The following EYA3 variants were observed in gnomAD, a reference collection of about 807,000 sequenced individuals.
EYA3 encodes protein phosphatase EYA3.
Under a neutral mutation model 80.0 loss-of-function variants are expected in EYA3, and 39 were observed. The ratio of observed to expected loss-of-function variants is 0.49; its 90% CI spans 0.38 to 0.64. The LOEUF is 0.64. Ranked by LOEUF, EYA3 falls within the 30% of genes least tolerant of loss-of-function variation. The probability of loss-of-function intolerance (pLI) is 0.00; values close to 1 mark genes in which losing one functional copy is unlikely to be tolerated. For synonymous variants in EYA3, 206 were observed against 232.8 expected, an observed-to-expected ratio of 0.88 and a Z score of 1.05; for missense variants, 523 against 676.1, an observed-to-expected ratio of 0.77 and a Z score of 2.51.
At chr1:28,034,732 G>A (rs1298996703) in intron 6 of EYA3, among the ~76,000 whole-genome samples, 2 of 152,138 alleles carry the variant, frequency 1.3e-5, no homozygotes, top group Non-Finnish European at 2.9e-5. Context: ...CAGAATCTGT[G>A]TGGTCATCTG....
intron 1 of EYA3, among the ~76,000 whole-genome samples, chr1:28,086,706 C>G (rs1056112185): frequency 1.3e-5 from 2 of 152,172 alleles, no homozygotes; most frequent in African/African-American, 4.8e-5. Flanking sequence ...AAGGAAGCAG[C>G]TGGAGTAAGC....
At chr1:28,077,104 CT>C (rs377204823) in intron 1 of EYA3, among the ~76,000 whole-genome samples, 2,127 of 114,060 alleles carry the variant, frequency 0.019, 27 homozygotes, top group African/African-American at 0.053. Context: ...ACAAAACAAT[CT>C]TTTTTTTTTT....
At chr1:28,075,469 GT>G (rs1645168751) in intron 1 of EYA3, among the ~76,000 whole-genome samples, 1 of 152,176 alleles carries the variant, frequency 6.6e-6, no homozygotes. Flanking sequence ...TGTGAATGAG[GT>G]TTTTCAAGGA....
In EYA3 at chr1:28,013,652, C is replaced by G. The variant is rs1641841083; in HGVS notation, c.586-358G>C. ...CAGAATTTGAGGGAAAGATTCTACTCTAAGAGGTTTACAAACTGTTGCACT... is the reference window on the plus strand; with the variant it reads ...CAGAATTTGAGGGAAAGATTCTACTGTAAGAGGTTTACAAACTGTTGCACT... On this transcript the variant is annotated intron_variant, in intron 8 of 17. Transcript: ENST00000373871. The surrounding 1 kb of genome is among the most constrained non-coding windows in gnomAD (Gnocchi z 4.0). Among the ~76,000 whole-genome samples, 1 of 152,168 alleles carries G rather than the reference C, an allele frequency of 6.6e-6. No homozygotes were observed. The highest frequency in any genetic ancestry group is 6.5e-5 in the Admixed American group (1 of 15,280).
At position 28,048,639 on chromosome 1, in the gene EYA3, T is replaced by TA. The variant is rs1178679512; in HGVS notation, c.34-214dup. Among the ~76,000 whole-genome samples, 13 of 151,540 alleles carry TA rather than the reference T, an allele frequency of 8.6e-5. 1 individual carries two copies. Among genetic ancestry groups the TA allele is most frequent in the East Asian group, 1.9e-4 (1 of 5,180 alleles). On this transcript the variant is annotated intron_variant, in intron 2 of 17. Coordinates refer to ENST00000373871, the MANE Select transcript of EYA3 (RefSeq NM_001990.4). ...TTAATGAAAAAAGTGTTCTTCTGAT[T>TA]AAAAAAAAACTGTTTACCAGAATTT...
At position 28,057,992 on chromosome 1, in the gene EYA3, A is replaced by G. The variant is rs1408132249; in HGVS notation, c.33+2T>C. The stretch of plus-strand genomic sequence containing the variant: ...CTTTAAACTGTTAAAGGAAATACTT[A>G]CTGGTTGCTCTGGTAAATCTTGCTC... On this transcript the variant is annotated splice_donor_variant, in intron 2 of 17. Transcript: ENST00000373871. LOFTEE classifies it high-confidence loss of function. 1 of 1,577,976 alleles carries G rather than the reference A, an allele frequency of 6.3e-7. No homozygotes were observed. The highest frequency in any genetic ancestry group is 2.2e-5 in the East Asian group (1 of 44,460).
intron 15 of EYA3, 144 bp from the exon 16 acceptor site, chr1:27,988,800 G>T: frequency 1.2e-6 from 1 of 815,132 alleles, no homozygotes; most frequent in Non-Finnish European, 1.9e-6. Flanking sequence ...CCAATGTTCA[G>T]CTACTACTCA....
intron 1 of EYA3, among the ~76,000 whole-genome samples, chr1:28,068,980 T>C (rs506855): frequency 0.014 from 2,135 of 151,482 alleles, 52 homozygotes; most frequent in African/African-American, 0.048. Flanking sequence ...CTAATTTTTG[T>C]ATTTTTAGTA....
rs565254862 is a variant in EYA3 at position 28,073,580 on chromosome 1, G to C, written c.-69+14944C>G. On this transcript the variant is annotated intron_variant, in intron 1 of 17. Coordinates refer to ENST00000373871, the MANE Select transcript of EYA3 (RefSeq NM_001990.4). ...CCCACAAAGTGCTGGGATTACAGGT[G>C]TGAGCCATTGCACCCAGCCTAATTT... is the stretch of plus-strand genomic sequence containing the variant. Among the ~76,000 whole-genome samples the C allele has an allele frequency of 1.0e-3, 154 of 152,080 alleles. 1 individual carries two copies. The highest frequency in any genetic ancestry group is 3.4e-3 in the African/African-American group (140 of 41,488).
chr1:28,015,968 A>G (rs1571806702), intron 8 of EYA3, among the ~76,000 whole-genome samples: 2 of 152,224 alleles, frequency 1.3e-5, no homozygotes, highest in African/African-American at 4.8e-5. Context: ...GAACTTAGGG[A>G]AACAGCAAGA....
intron 1 of EYA3, among the ~76,000 whole-genome samples, chr1:28,062,825 ACT>A (rs1360896081): frequency 6.6e-6 from 1 of 151,958 alleles, no homozygotes; most frequent in Non-Finnish European, 1.5e-5. Flanking sequence ...ACATGGTCAA[ACT>A]CTGTCTCTCT....
chr1:28,017,515 T>C (rs866416873), intron 7 of EYA3, among the ~76,000 whole-genome samples: 10 of 152,314 alleles, frequency 6.6e-5, no homozygotes, highest in African/African-American at 2.4e-4. Flanking sequence ...CTCATACTAA[T>C]AATATCAATG....
intron 6 of EYA3, among the ~76,000 whole-genome samples, chr1:28,033,657 A>ATTTTTTTTTTTTTT (rs1267286529): frequency 7.9e-6 from 1 of 125,838 alleles, no homozygotes; most frequent in African/African-American, 2.9e-5. Flanking sequence ...TATTATTATT[A>ATTTTTTTTTTTTTT]TTATTATTAT....
rs187004294 is a variant in EYA3 at position 28,068,677 on chromosome 1, C to T, written c.-68-10583G>A. Among the ~76,000 whole-genome samples, 4 of 151,970 alleles carry T rather than the reference C, an allele frequency of 2.6e-5. No individual in the cohort carries two copies. In the East Asian group the frequency reaches 5.8e-4, roughly 22 times the overall value. On this transcript the variant is annotated intron_variant, in intron 1 of 17. Coordinates refer to ENST00000373871, the MANE Select transcript of EYA3 (RefSeq NM_001990.4). ...GCTCCCTGACATTCTTTTTATGCTACGTATTAACTCCCTGTACAGGCTAGC... is the reference window on the plus strand; with the variant it reads ...GCTCCCTGACATTCTTTTTATGCTATGTATTAACTCCCTGTACAGGCTAGC...
chr1:27,976,297 TA>T (rs1292123039), intron 17 of EYA3, among the ~76,000 whole-genome samples: 7 of 151,644 alleles, frequency 4.6e-5, no homozygotes, highest in African/African-American at 1.7e-4. Flanking sequence ...CTGTCTCTAC[TA>T]AAAGTACAAA....
chr1:28,018,384 A>C (rs1455023168), intron 7 of EYA3, among the ~76,000 whole-genome samples: 3 of 152,174 alleles, frequency 2.0e-5, no homozygotes, highest in Admixed American at 1.3e-4. Flanking sequence ...CAGGTGAACA[A>C]TGTAACTGAT....
intron 7 of EYA3, among the ~76,000 whole-genome samples, chr1:28,025,516 G>A (rs1467707178): frequency 6.6e-6 from 1 of 152,132 alleles, no homozygotes. Flanking sequence ...TGTGCCTCAG[G>A]CTCTCCCTCT....
At chr1:28,066,290 T>A (rs181292251) in intron 1 of EYA3, among the ~76,000 whole-genome samples, 1 of 152,188 alleles carries the variant, frequency 6.6e-6, no homozygotes, top group African/African-American at 2.4e-5. Flanking sequence ...AGAAGGTAAC[T>A]AAAACCGCCA....
intron 17 of EYA3, 90 bp downstream of exon 17, chr1:27,978,284 A>G: frequency 1.1e-6 from 1 of 924,970 alleles, no homozygotes; most frequent in Admixed American, 2.1e-5. Flanking sequence ...TTATAAATGC[A>G]TAATAGATTG....
Sources: gnomAD v4.1 joint callset for allele counts (sites outside exome capture counted in the v4.1 genomes callset) on GRCh38, gnomAD v4.1.1 for gene constraint, Gnocchi (gnomAD v3.1) non-coding constraint, MANE v1.5 for transcripts, NCBI Gene and HGNC (gene_info 2026-07-23, HGNC 2026-07-21) for gene names.